Variants in RAET1E observed in about 807,000 individuals in gnomAD.
The protein encoded by RAET1E is retinoic acid early transcript 1E.
Under a neutral mutation model 21.1 loss-of-function variants are expected in RAET1E, and 27 were observed. The observed-to-expected ratio is 1.28, with a 90% confidence interval of 0.94 to 1.76. The LOEUF is 1.76. Among genes scored for constraint, RAET1E ranks in the 40% most tolerant of loss-of-function variants. The probability of loss-of-function intolerance (pLI) is 0.00; values close to 1 mark genes in which losing one functional copy is unlikely to be tolerated. For synonymous variants in RAET1E, 113 were observed against 115.0 expected, an observed-to-expected ratio of 0.98 and a Z score of 0.11; for missense variants, 310 against 311.3, an observed-to-expected ratio of 1.00 and a Z score of 0.03.
intron 1 of RAET1E, among the ~76,000 whole-genome samples, chr6:149,897,454 C>T (rs376502509): frequency 2.6e-5 from 4 of 152,148 alleles, no homozygotes; most frequent in South Asian, 2.1e-4. Context: ...CAAAGAGAGA[C>T]GAAAATTTTA....
rs1284623574 is a variant in RAET1E, at chr6:149,885,951, T to G, written c.*2547A>C. 6.6e-6 allele frequency among the ~76,000 whole-genome samples: 1 copy of G among 151,976 alleles called. No homozygotes were observed. Among genetic ancestry groups the G allele is most frequent in the Non-Finnish European group, 1.5e-5 (1 of 67,986 alleles). On this transcript the variant is annotated 3_prime_UTR_variant, in exon 6 of 6. Transcript: ENST00000357183. ...GTGGTCAGAGTTTCTGAGCTACGAG[T>G]GGGGGTAGTTAATTCTATCCAGGAA...
In RAET1E at chr6:149,889,567, C is replaced by G. The variant is rs1777783519; in HGVS notation, c.403G>C (p.Gly135Arg). 1.2e-6 allele frequency: 2 copies of G among 1,614,180 alleles called. No individual in the cohort carries two copies. Among genetic ancestry groups the G allele is most frequent in the Non-Finnish European group, 1.7e-6 (2 of 1,180,028 alleles). The change falls in exon 5 of 6, where the codon GGT becomes CGT. Residue 135 changes from glycine (G) to arginine (R), a missense_variant. Physicochemically the swap from Gly to Arg is moderately radical, Grantham distance 125 (BLOSUM62 -2). Coordinates refer to ENST00000357183, the MANE Select transcript of RAET1E (RefSeq NM_001394057.1). ...TTGGTGGCGAACTGCCAGGATGCAC[C>G]AGTGCACCGTTCTGCTTCACGTTGA... ...FCQREAERCT[G>R]ASWQFATNGE...
At chr6:149,890,181 G>T in intron 3 of RAET1E, 36 bp from the exon 4 acceptor site, 1 of 1,609,086 alleles carries the variant, frequency 6.2e-7, no homozygotes, top group South Asian at 1.1e-5. Context: ...TCCAGGACAG[G>T]GGAAGAGGCC....
At chr6:149,896,437 CTAAGGT>C (rs1234220348) in intron 1 of RAET1E, among the ~76,000 whole-genome samples, 1 of 152,180 alleles carries the variant, frequency 6.6e-6, no homozygotes, top group Non-Finnish European at 1.5e-5. Flanking sequence ...TCTCTGTCTG[CTAAGGT>C]TAAAGAACCT....
Position 149,890,010 on chromosome 6 carries a change from A to T in RAET1E, c.221T>A (p.Leu74Gln). 6.2e-7 allele frequency: 1 copy of T among 1,614,168 alleles called. No homozygotes were observed. The highest frequency in any genetic ancestry group is 2.2e-5 in the East Asian group (1 of 44,872). Reference protein sequence around the residue: ...YNSDNNMVKPLGLLGKKVYAT... With the variant: ...YNSDNNMVKPQGLLGKKVYAT... ...ATATACCTTCTTCCCCAGGAGGCCC[A>T]GAGGTTTGACCATGTTGTTGTCACT... Residue 74 changes from leucine (L) to glutamine (Q), a missense_variant, in exon 4 of 6, where the codon CTG (leucine) becomes CAG (glutamine). Leu to Gln is a moderately radical substitution (Grantham distance 113). Transcript: ENST00000357183.
At chr6:149,891,068 A>C (rs73782119) in intron 2 of RAET1E, 34 bp from the exon 3 acceptor site, 7,286 of 558,536 alleles carry the variant, frequency 0.013, 410 homozygotes, top group African/African-American at 0.12. Flanking sequence ...AATTTTGTGA[A>C]GAGAGTGTTT....
At chr6:149,889,785 T>A in intron 4 of RAET1E, 100 bp downstream of exon 4, 1 of 1,507,002 alleles carries the variant, frequency 6.6e-7, no homozygotes, top group Non-Finnish European at 9.0e-7. Flanking sequence ...GTTGGGCCAA[T>A]GATCAATACA....
At chr6:149,892,054 A>G (rs1164598097) in intron 2 of RAET1E, among the ~76,000 whole-genome samples, 1 of 152,204 alleles carries the variant, frequency 6.6e-6, no homozygotes, top group African/African-American at 2.4e-5. Context: ...CAAAGGGCAT[A>G]AACTCATCCC....
At chr6:149,893,063 A>G (rs1348281180) in intron 2 of RAET1E, among the ~76,000 whole-genome samples, 1 of 151,902 alleles carries the variant, frequency 6.6e-6, no homozygotes, top group Non-Finnish European at 1.5e-5. Context: ...CCATTGGTCT[A>G]TATATTTGGT....
At chr6:149,891,249 C>T (rs528551565) in intron 2 of RAET1E, among the ~76,000 whole-genome samples, 8 of 152,174 alleles carry the variant, frequency 5.3e-5, no homozygotes. Flanking sequence ...TTCTCCTTTC[C>T]TCCAGTTTCC....
rs780613931 is a variant in RAET1E at position 149,890,946 on chromosome 6, C to T, written c.-45G>A. 1.5e-6 allele frequency: 2 copies of T among 1,315,906 alleles called. No homozygotes were observed. The highest frequency in any genetic ancestry group is 2.2e-6 in the Non-Finnish European group (2 of 911,516). The allele number at this position is 1,315,906 out of a possible 1,614,324, so 81.5% of individuals were successfully genotyped here. A position where few individuals can be genotyped will look rare whatever the true frequency, so the allele number is the denominator to read the frequency against. On this transcript the variant is annotated 5_prime_UTR_variant, in exon 3 of 6. In the 5' UTR this introduces an upstream ATG that the reference lacks. Transcript: ENST00000357183. ...AGGAAGCTGGGCGTGTACACATTCA[C>T]CCTCACTGGTATGGTGAAGAAATGT...
rs1309126827 is a variant in RAET1E at position 149,884,415 on chromosome 6, C to T, written c.*4083G>A. 2.1e-6 allele frequency: 3 copies of T among 1,403,236 alleles called. No individual in the cohort carries two copies. The highest frequency in any genetic ancestry group is 2.9e-6 in the Non-Finnish European group (3 of 1,026,090). The allele number at this position is 1,403,236 out of a possible 1,614,324, so 86.9% of individuals were successfully genotyped here. A position where few individuals can be genotyped will look rare whatever the true frequency, so the allele number is the denominator to read the frequency against. On this transcript the variant is annotated 3_prime_UTR_variant, in exon 6 of 6. Coordinates refer to ENST00000357183, the MANE Select transcript of RAET1E (RefSeq NM_001394057.1). ...GCCTCCACTTGACTCAGGGAACACA[C>T]AGCAGTGGGAGCCAAGGCTGTCAGC...
Position 149,894,295 on chromosome 6 carries a change from G to T in RAET1E, c.-134+1551C>A, listed in dbSNP as rs527332104. On this transcript the variant is annotated intron_variant, in intron 2 of 5. Transcript: ENST00000357183. ...GAGGAGTATCTTTGTGATGTTCTCT[G>T]TATTTCCTGAATTTGAATGTTGGCC... is the stretch of plus-strand genomic sequence containing the variant. Among the ~76,000 whole-genome samples the T allele has an allele frequency of 6.4e-4, 97 of 152,288 alleles. 2 individuals are homozygous for T. Among genetic ancestry groups the T allele is most frequent in the Middle Eastern group, 3.4e-3 (1 of 294 alleles).
rs1210081015 is a variant in RAET1E at position 149,887,469 on chromosome 6, G to T, written c.*1029C>A. The stretch of plus-strand genomic sequence containing the variant: ...CCTTCTGGACCAGTGGCCCTTATCT[G>T]ACTCAAGCCATATCTTGCCAAGCCT... On this transcript the variant is annotated 3_prime_UTR_variant, in exon 6 of 6. Coordinates refer to ENST00000357183, the MANE Select transcript of RAET1E (RefSeq NM_001394057.1). Among the ~76,000 whole-genome samples, 1 of 152,104 alleles carries T rather than the reference G, an allele frequency of 6.6e-6. No homozygotes were observed. Among genetic ancestry groups the T allele is most frequent in the Non-Finnish European group, 1.5e-5 (1 of 68,010 alleles).
Position 149,890,251 on chromosome 6 carries a change from CG to C in RAET1E, c.86-107del. 5.7e-6 allele frequency: 7 copies of C among 1,232,454 alleles called. No homozygotes were observed. The Admixed American group carries it at 8.3e-5, about 15-fold the overall frequency. The allele number at this position is 1,232,454 out of a possible 1,614,324, so 76.3% of individuals were successfully genotyped here. On this transcript the variant is annotated intron_variant, in intron 3 of 5. Coordinates refer to ENST00000357183, the MANE Select transcript of RAET1E (RefSeq NM_001394057.1). ...CTGGACTGGGCCAGGCTAGCAGAGG[CG>C]GGGCAGCTCCATCCCAGACTCCCTC... is the stretch of plus-strand genomic sequence containing the variant.
At chr6:149,892,156 C>T (rs538043940) in intron 2 of RAET1E, among the ~76,000 whole-genome samples, 1 of 152,272 alleles carries the variant, frequency 6.6e-6, no homozygotes, top group East Asian at 1.9e-4. Flanking sequence ...TGAATAGTGC[C>T]ACAATAAACA....
chr6:149,884,557 T>A lies in RAET1E; in HGVS notation c.*3941A>T. 6.7e-7 allele frequency: 1 copy of A among 1,503,478 alleles called. No individual in the cohort carries two copies. The highest frequency in any genetic ancestry group is 2.0e-5 in the Admixed American group (1 of 50,912). 93.1% of individuals were successfully genotyped at this position (1,503,478 alleles called of 1,614,324 possible). ...AACCCTGGGTCAGATCAGCTCAGGA[T>A]TGACCCCTCCGTGATCTCTCAGGAC... On this transcript the variant is annotated 3_prime_UTR_variant, in exon 6 of 6. Coordinates refer to ENST00000357183, the MANE Select transcript of RAET1E (RefSeq NM_001394057.1).
Position 149,886,614 on chromosome 6 carries a change from C to T in RAET1E, c.*1884G>A, listed in dbSNP as rs1244927063. Among the ~76,000 whole-genome samples, 6 of 152,200 alleles carry T rather than the reference C, an allele frequency of 3.9e-5. No individual in the cohort carries two copies. The highest frequency in any genetic ancestry group is 1.9e-4 in the East Asian group (1 of 5,192). On this transcript the variant is annotated 3_prime_UTR_variant, in exon 6 of 6. Coordinates refer to ENST00000357183, the MANE Select transcript of RAET1E (RefSeq NM_001394057.1). The stretch of plus-strand genomic sequence containing the variant: ...TTCGCCATGTTGGCCAGGCTGGTCT[C>T]GAACTCCTGACCTCAAATGATCCAC...
rs1344025594 is a variant in RAET1E at position 149,884,633 on chromosome 6, C to G, written c.*3865G>C. ...GAGATCAGCCGCTATTGTTCACATT[C>G]TGCCTCTCTGTCATCTAGTTTATGA... On this transcript the variant is annotated 3_prime_UTR_variant, in exon 6 of 6. Transcript: ENST00000357183. The G allele has an allele frequency of 2.6e-6, 2 of 763,050 alleles. No individual in the cohort carries two copies. The highest frequency in any genetic ancestry group is 4.4e-6 in the Non-Finnish European group (2 of 454,974). The allele number at this position is 763,050 out of a possible 1,614,324, so 47.3% of individuals were successfully genotyped here. A position where few individuals can be genotyped will look rare whatever the true frequency, so the allele number is the denominator to read the frequency against.
Sources: allele counts gnomAD v4.1 joint callset (sites outside exome capture counted in the v4.1 genomes callset), GRCh38; gene constraint gnomAD v4.1.1; transcripts MANE v1.5; gene names NCBI Gene and HGNC (gene_info 2026-07-23, HGNC 2026-07-21).